HTT: variants seen among roughly 807,000 people sequenced by gnomAD.
The protein encoded by HTT is huntingtin.
HTT carries 104 observed loss-of-function variants against 362.3 expected under a neutral mutation model. The ratio of observed to expected loss-of-function variants is 0.29; its 90% CI spans 0.24 to 0.34. HTT has a LOEUF of 0.34. HTT is among the 10% of genes least tolerant of loss of function. The probability of loss-of-function intolerance (pLI) is 1.00; values close to 1 mark genes in which losing one functional copy is unlikely to be tolerated. For missense variants in HTT, 3,301 were observed against 3,928.6 expected, an observed-to-expected ratio of 0.84 and a Z score of 4.27; for synonymous variants, 1,577 against 1,548.7, an observed-to-expected ratio of 1.02 and a Z score of -0.43.
Position 3,157,162 on chromosome 4 carries a change from T to C in HTT, c.3716T>C (p.Leu1239Pro). 1 of 1,613,878 alleles carries C rather than the reference T, an allele frequency of 6.2e-7. No individual in the cohort carries two copies. The highest frequency in any genetic ancestry group is 8.5e-7 in the Non-Finnish European group (1 of 1,179,834). The stretch of plus-strand genomic sequence containing the variant: ...TATCATCTTCCTTCATACCTCAAAC[T>C]GCATGATGTCCTGAAAGCTACACAC... Reference protein sequence around the residue: ...SFYHLPSYLKLHDVLKATHAN... With the variant: ...SFYHLPSYLKPHDVLKATHAN... Residue 1239 changes from leucine to proline, a missense_variant, in exon 28 of 67, where the codon CTG (leucine) becomes CCG (proline). Leu to Pro is a moderately conservative substitution (Grantham distance 98). Around this residue, in one of 4 missense-constraint regions of HTT, gnomAD observed 2,316 missense variants for 2,658.5 expected, o/e 0.87. Transcript: ENST00000355072.
chr4:3,181,884 C>A (rs1397888533), intron 36 of HTT, among the ~76,000 whole-genome samples: 1 of 152,144 alleles, frequency 6.6e-6, no homozygotes, highest in Admixed American at 6.5e-5. Flanking sequence ...AACTTGTGCT[C>A]AACCATGTAT....
chr4:3,235,661 C>G lies in HTT; in HGVS notation c.8668C>G (p.Gln2890Glu). ...CCTGGAGCGCCTCCTGCTCTCTGAGCAGCTCTCCCGCCTGGATGCAGAATC... is the reference window on the plus strand; with the variant it reads ...CCTGGAGCGCCTCCTGCTCTCTGAGGAGCTCTCCCGCCTGGATGCAGAATC... ...RGLERLLLSE[Q>E]LSRLDAESLV... Residue 2890 changes from glutamine to glutamate, a missense_variant, in exon 63 of 67, where the codon CAG (glutamine) becomes GAG (glutamate). This residue lies in a region of HTT where 753 missense variants were observed against 1,021.3 expected (regional missense o/e 0.74). Transcript: ENST00000355072. 6.2e-7 allele frequency: 1 copy of G among 1,613,674 alleles called. No individual in the cohort carries two copies. The highest frequency in any genetic ancestry group is 1.1e-5 in the South Asian group (1 of 91,084).
intron 4 of HTT, among the ~76,000 whole-genome samples, chr4:3,104,200 C>A (rs979559011): frequency 6.6e-6 from 1 of 151,922 alleles, no homozygotes; most frequent in Non-Finnish European, 1.5e-5. Context: ...CGGGTTCAAC[C>A]GAACTTTGGG....
chr4:3,238,719 C>A, intron 65 of HTT, 99 bp from the exon 66 acceptor site: 1 of 1,429,238 alleles, frequency 7.0e-7, no homozygotes, highest in Non-Finnish European at 9.6e-7. Flanking sequence ...TTTAAAGCAG[C>A]AATGCCTCTG....
At position 3,172,338 on chromosome 4, in the gene HTT, G is replaced by T; in HGVS notation, c.3883G>T (p.Gly1295Ter). 6.2e-7 allele frequency: 1 copy of T among 1,605,294 alleles called. No homozygotes were observed. Among genetic ancestry groups the T allele is most frequent in the Non-Finnish European group, 8.5e-7 (1 of 1,172,106 alleles). ...TCTACAGTGTGTTGAAGAGATCCTA[G>T]GATACCTGAAATCCTGCTTTAGTCG... ...DIGKCVEEIL[G>*]YLKSCFSREP... is the part of the protein sequence containing the mutation. Residue 1295 changes from glycine to a stop codon, truncating the protein, a stop_gained, in exon 30 of 67, where the codon GGA becomes TGA. Coordinates refer to ENST00000355072, the MANE Select transcript of HTT (RefSeq NM_001388492.1). LOFTEE classifies it high-confidence loss of function.
At chr4:3,229,245 C>CACCACACCACAT (rs1560603974) in intron 59 of HTT, among the ~76,000 whole-genome samples, 1 of 147,586 alleles carries the variant, frequency 6.8e-6, no homozygotes, top group African/African-American at 2.5e-5. Flanking sequence ...CACACACACA[C>CACCACACCACAT]GCCACACCAC....
At chr4:3,214,250 G>A in intron 50 of HTT, 115 bp downstream of exon 50, 2 of 773,458 alleles carry the variant, frequency 2.6e-6, no homozygotes, top group South Asian at 8.5e-5. Flanking sequence ...GGGATGGAGA[G>A]GTAGATAAAA....
rs1329799570 is a variant in HTT at position 3,206,327 on chromosome 4, G to A, written c.5719-169G>A. On this transcript the variant is annotated intron_variant, in intron 42 of 66. Coordinates refer to ENST00000355072, the MANE Select transcript of HTT (RefSeq NM_001388492.1). This position sits in a 1 kb window ranked among gnomAD's most constrained non-coding sequence, Gnocchi z 4.6. ...TTGGAGGTGACGGCCTTGGTAAATC[G>A]AGTTTCCTACCTCCTCAATTATTTG... Among the ~76,000 whole-genome samples, 1 of 152,204 alleles carries A rather than the reference G, an allele frequency of 6.6e-6. No homozygotes were observed. Among genetic ancestry groups the A allele is most frequent in the African/African-American group, 2.4e-5 (1 of 41,458 alleles).
At chr4:3,131,485 C>A in intron 15 of HTT, 88 bp downstream of exon 15, 3 of 1,449,218 alleles carry the variant, frequency 2.1e-6, no homozygotes, top group Non-Finnish European at 2.9e-6. Context: ...TTGCGTGCAG[C>A]AGAGGAAGTA....
In HTT at chr4:3,074,728, A is replaced by G; in HGVS notation, c.-98A>G. 2 of 1,306,242 alleles carry G rather than the reference A, an allele frequency of 1.5e-6. No homozygotes were observed. Among genetic ancestry groups the G allele is most frequent in the Non-Finnish European group, 2.0e-6 (2 of 977,806 alleles). 80.9% of individuals were successfully genotyped at this position (1,306,242 alleles called of 1,614,324 possible). A position where few individuals can be genotyped will look rare whatever the true frequency, so the allele number is the denominator to read the frequency against. On this transcript the variant is annotated 5_prime_UTR_variant, in exon 1 of 67. Transcript: ENST00000355072. ...GGACGGCCGCTCAGGTTCTGCTTTT[A>G]CCTGCGGCCCAGAGCCCCATTCATT...
At chr4:3,075,112 C>A in intron 1 of HTT, 24 bp downstream of exon 1, 1 of 1,221,692 alleles carries the variant, frequency 8.2e-7, no homozygotes, top group Non-Finnish European at 1.0e-6. Context: ...CGCTGCAGCT[C>A]CCTGTCCCGG....
Position 3,240,008 on chromosome 4 carries a change from T to C in HTT, c.9378T>C (p.Tyr3126=), listed in dbSNP as rs362308. 8.5e-4 allele frequency: 1,356 copies of C among 1,601,500 alleles called. 3 individuals carry two copies. Among genetic ancestry groups the C allele is most frequent in the Admixed American group, 1.8e-3 (106 of 58,512 alleles). ...LEVVAAPGSP[Y]HRLLTCLRNV... ...TGGTTGCAGCCCCAGGAAGCCCATA[T>C]CACCGGCTGCTGACTTGTTTACGAA... The change falls in exon 67 of 67, where the codon TAT becomes TAC. Residue 3126 remains tyrosine, a synonymous_variant. Transcript: ENST00000355072.
At chr4:3,126,059 A>G (rs566034296) in intron 11 of HTT, among the ~76,000 whole-genome samples, 11 of 152,240 alleles carry the variant, frequency 7.2e-5, no homozygotes, top group Non-Finnish European at 1.3e-4. Context: ...TTTTTGAGAT[A>G]GAGTCTCACA....
chr4:3,145,015 C>T, intron 23 of HTT, 137 bp from the exon 24 acceptor site: 1 of 703,432 alleles, frequency 1.4e-6, no homozygotes, highest in South Asian at 1.7e-5. Context: ...CATGGTGGGA[C>T]AGATATCCTG....
In HTT at chr4:3,204,165, T is replaced by C. The variant is rs752462723; in HGVS notation, c.5718+17T>C. The C allele has an allele frequency of 9.9e-6, 16 of 1,613,766 alleles. No individual in the cohort carries two copies. The East Asian group carries it at 3.6e-4, about 36-fold the overall frequency. On this transcript the variant is annotated intron_variant, in intron 42 of 66. Coordinates refer to ENST00000355072, the MANE Select transcript of HTT (RefSeq NM_001388492.1). ...GATTATGTCGTAAGTTTGAAATGCC[T>C]GTAAACGGGGTTGAGGGAGGTGGGG...
chr4:3,210,304 G>A (rs576305422), intron 47 of HTT, among the ~76,000 whole-genome samples: 2 of 152,326 alleles, frequency 1.3e-5, no homozygotes, highest in South Asian at 4.1e-4. Context: ...AACACAGGAT[G>A]TTATCATCTA....
At chr4:3,083,550 C>CGT (rs1560539561) in intron 1 of HTT, among the ~76,000 whole-genome samples, 10 of 145,380 alleles carry the variant, frequency 6.9e-5, no homozygotes, top group African/African-American at 2.6e-4. Context: ...CACACACACA[C>CGT]ACACACACAC....
At chr4:3,104,398 C>T (rs554129800) in intron 4 of HTT, among the ~76,000 whole-genome samples, 1 of 152,054 alleles carries the variant, frequency 6.6e-6, no homozygotes, top group South Asian at 2.1e-4. Context: ...CACCTGAGAT[C>T]AGGAGTTCGA....
At chr4:3,200,058 T>C (rs1719460552) in intron 41 of HTT, 119 bp downstream of exon 41, 5 of 766,962 alleles carry the variant, frequency 6.5e-6, no homozygotes, top group Non-Finnish European at 1.0e-5. Flanking sequence ...TTGTGAGGGC[T>C]TGTGAAATTT....
Sources: allele counts gnomAD v4.1 joint callset (sites outside exome capture counted in the v4.1 genomes callset), GRCh38; gene constraint gnomAD v4.1.1; regional missense constraint gnomAD v4.1.1; non-coding constraint Gnocchi (gnomAD v3.1); transcripts MANE v1.5; gene names NCBI Gene and HGNC (gene_info 2026-07-23, HGNC 2026-07-21).